Variants in PREX2 observed in about 807,000 individuals in gnomAD.
The protein encoded by PREX2 is phosphatidylinositol 3,4,5-trisphosphate-dependent Rac exchanger 2 protein.
PREX2 carries 107 observed loss-of-function variants against 203.2 expected under a neutral mutation model. That is an observed-to-expected ratio of 0.53 (90% CI 0.45 to 0.62). The LOEUF (loss-of-function observed/expected upper bound fraction) is 0.62. Among genes scored for constraint, PREX2 ranks in the 20% least tolerant of loss-of-function variants. The probability of loss-of-function intolerance (pLI) is 0.00; values close to 1 mark genes in which losing one functional copy is unlikely to be tolerated. For synonymous variants in PREX2, 672 were observed against 663.6 expected, an observed-to-expected ratio of 1.01 and a Z score of -0.19; for missense variants, 1,777 against 1,955.9, an observed-to-expected ratio of 0.91 and a Z score of 1.72.
In PREX2 at chr8:68,052,663, T is replaced by G. The variant is rs113945598; in HGVS notation, c.944-434T>G. Among the ~76,000 whole-genome samples, 1,113 of 152,274 alleles carry G rather than the reference T, an allele frequency of 7.3e-3. 10 individuals are homozygous for G. The highest frequency in any genetic ancestry group is 0.017 in the Middle Eastern group (5 of 294). On this transcript the variant is annotated intron_variant, in intron 8 of 39. Coordinates refer to ENST00000288368, the MANE Select transcript of PREX2 (RefSeq NM_024870.4). ...GTGCAGTTCATTAACTAATAGAAGA[T>G]TTTTCCATGGGGCATAGACTGTCTC... is the stretch of plus-strand genomic sequence containing the variant.
chr8:68,131,888 T>G (rs1811017750), intron 31 of PREX2, among the ~76,000 whole-genome samples: 1 of 152,198 alleles, frequency 6.6e-6, no homozygotes, highest in South Asian at 2.1e-4. Flanking sequence ...TTTCAAGGTA[T>G]GGGTGGGAGT....
intron 1 of PREX2, among the ~76,000 whole-genome samples, chr8:67,966,301 C>T (rs1228113108): frequency 1.3e-5 from 2 of 152,118 alleles, no homozygotes; most frequent in African/African-American, 2.4e-5. Context: ...TATAGTTTTA[C>T]TATGTTGTAC....
Position 68,094,441 on chromosome 8 carries a change from A to G in PREX2, c.2368+719A>G, listed in dbSNP as rs1327478146. On this transcript the variant is annotated intron_variant, in intron 21 of 39. Transcript: ENST00000288368. ...GTTTCCTCAATGGAGTAAACCAGCA[A>G]ATGGCTCTGTTCAGTGGCTTCTTTG... Among the ~76,000 whole-genome samples the G allele has an allele frequency of 2.0e-5, 3 of 152,308 alleles. No individual in the cohort carries two copies. The East Asian group carries it at 5.8e-4, about 29-fold the overall frequency.
At chr8:68,074,843 C>A (rs1388523556) in intron 14 of PREX2, among the ~76,000 whole-genome samples, 2 of 152,050 alleles carry the variant, frequency 1.3e-5, no homozygotes, top group Non-Finnish European at 2.9e-5. Context: ...TATTCTAGAG[C>A]CTATAGTTTT....
chr8:67,990,385 A>G (rs73257982), intron 1 of PREX2, among the ~76,000 whole-genome samples: 6,572 of 151,632 alleles, frequency 0.043, 442 homozygotes, highest in African/African-American at 0.14. Context: ...TAGAATCACC[A>G]TGGGAGATTA....
chr8:68,102,450 G>C (rs1810291102), intron 23 of PREX2, among the ~76,000 whole-genome samples: 2 of 152,132 alleles, frequency 1.3e-5, no homozygotes, highest in Admixed American at 6.5e-5. Context: ...ACACTGCAAG[G>C]ATCTTTTCAA....
intron 14 of PREX2, among the ~76,000 whole-genome samples, chr8:68,074,653 T>A (rs9298126): frequency 0.18 from 26,711 of 150,868 alleles, 2,387 homozygotes; most frequent in East Asian, 0.29. Context: ...AAGTTCTTAA[T>A]CTAACATGAA....
At chr8:68,145,773 C>T (rs1026660275) in intron 33 of PREX2, among the ~76,000 whole-genome samples, 13 of 152,014 alleles carry the variant, frequency 8.6e-5, no homozygotes, top group African/African-American at 2.9e-4. Flanking sequence ...GGGAATAGAG[C>T]TTGCAGAACC....
rs540337564 is a variant in PREX2, at chr8:68,076,397, C to T, written c.1570-1000C>T. ...GCTTGAACCAGGGAGGCGGACGTTG[C>T]GGTGAGCTGAGATCAAGCCACTGCA... On this transcript the variant is annotated intron_variant, in intron 14 of 39. Coordinates refer to ENST00000288368, the MANE Select transcript of PREX2 (RefSeq NM_024870.4). Among the ~76,000 whole-genome samples the T allele has an allele frequency of 4.7e-4, 71 of 151,948 alleles. No individual in the cohort carries two copies. In the East Asian group the frequency reaches 0.013, roughly 28 times the overall value.
intron 1 of PREX2, among the ~76,000 whole-genome samples, chr8:67,984,040 C>T (rs1346668140): frequency 6.6e-6 from 1 of 151,964 alleles, no homozygotes; most frequent in Non-Finnish European, 1.5e-5. Context: ...CTGCTATTCT[C>T]CCTATGTTGA....
At chr8:68,209,580 C>T (rs1563588712) in intron 37 of PREX2, among the ~76,000 whole-genome samples, 1 of 151,984 alleles carries the variant, frequency 6.6e-6, no homozygotes, top group Non-Finnish European at 1.5e-5. Flanking sequence ...GTTTCCATGA[C>T]TAAAAGTAGC....
intron 1 of PREX2, among the ~76,000 whole-genome samples, chr8:67,954,043 T>G (rs1805427940): frequency 6.6e-6 from 1 of 152,246 alleles, no homozygotes; most frequent in Non-Finnish European, 1.5e-5. Flanking sequence ...GTTAATCTAA[T>G]TATATTAAAA....
chr8:68,019,935 A>C (rs1468766368), intron 3 of PREX2, among the ~76,000 whole-genome samples: 1 of 152,202 alleles, frequency 6.6e-6, no homozygotes, highest in Non-Finnish European at 1.5e-5. Context: ...TTGAATTCTA[A>C]TGAATATTCA....
intron 15 of PREX2, among the ~76,000 whole-genome samples, chr8:68,078,827 G>A (rs139431657): frequency 9.4e-4 from 143 of 152,150 alleles, no homozygotes; most frequent in African/African-American, 3.3e-3. Context: ...TTATCTAAGC[G>A]TTTATTATAA....
chr8:68,055,712 T>A, intron 9 of PREX2, 118 bp from the exon 10 acceptor site: 1 of 923,700 alleles, frequency 1.1e-6, no homozygotes, highest in Non-Finnish European at 1.6e-6. Context: ...CAGAGATCTG[T>A]ATCCACAACC....
intron 26 of PREX2, among the ~76,000 whole-genome samples, chr8:68,117,531 TA>T (rs1810681964): frequency 6.6e-6 from 1 of 152,188 alleles, no homozygotes; most frequent in South Asian, 2.1e-4. Flanking sequence ...ATTACATGTC[TA>T]AAAATACTTT....
At chr8:68,028,663 T>C (rs548398421) in intron 5 of PREX2, among the ~76,000 whole-genome samples, 2 of 152,052 alleles carry the variant, frequency 1.3e-5, no homozygotes, top group East Asian at 1.9e-4. Flanking sequence ...TTGTTGCAAA[T>C]GTGTCTCCTT....
intron 35 of PREX2, among the ~76,000 whole-genome samples, chr8:68,178,101 T>C (rs367763006): frequency 5.6e-4 from 86 of 152,300 alleles, no homozygotes; most frequent in African/African-American, 2.0e-3. Context: ...AATGAACATA[T>C]ATGTGCATGC....
chr8:67,954,908 C>T (rs936191110), intron 1 of PREX2, among the ~76,000 whole-genome samples: 4 of 151,784 alleles, frequency 2.6e-5, no homozygotes, highest in Admixed American at 6.6e-5. Context: ...TTTTGGGGGC[C>T]GAGGCGGGTG....
Sources: gnomAD v4.1 joint callset for allele counts (sites outside exome capture counted in the v4.1 genomes callset) on GRCh38, gnomAD v4.1.1 for gene constraint, MANE v1.5 for transcripts, NCBI Gene and HGNC (gene_info 2026-07-23, HGNC 2026-07-21) for gene names.